Variants in HARS1 observed in about 807,000 individuals in gnomAD.
The protein encoded by HARS1 is histidyl-tRNA synthetase 1.
Under a neutral mutation model 63.6 loss-of-function variants are expected in HARS1, and 45 were observed. That is an observed-to-expected ratio of 0.71 (90% confidence interval 0.56 to 0.91). The LOEUF (loss-of-function observed/expected upper bound fraction) is 0.91, where lower values mean the gene tolerates loss of function less well. Ranked by LOEUF, HARS1 falls within the 40% of genes least tolerant of loss-of-function variation. The pLI is 0.00. For missense variants in HARS1, 508 were observed against 643.2 expected (o/e 0.79, Z 2.27); for synonymous variants, 205 against 247.1 (o/e 0.83, Z 1.60).
Position 140,690,945 on chromosome 5 carries a change from C to G in HARS1, c.91-1G>C. The G allele has an allele frequency of 6.4e-7, 1 of 1,573,342 alleles. No individual in the cohort carries two copies. The highest frequency in any genetic ancestry group is 8.7e-7 in the Non-Finnish European group (1 of 1,143,022). Reference sequence around the variant, plus strand: ...GGAGTTTCGCCACCTCCTCCTCGATCTGTGGAGGGAAAGAAGGCGCTGAGC... The same window carrying G: ...GGAGTTTCGCCACCTCCTCCTCGATGTGTGGAGGGAAAGAAGGCGCTGAGC... On this transcript the variant is annotated splice_acceptor_variant, in intron 1 of 12. Transcript: ENST00000504156. LOFTEE classifies it high-confidence loss of function.
In HARS1 at chr5:140,676,049, C is replaced by T. The variant is rs1226623748; in HGVS notation, c.1194+605G>A. 2 of 152,272 alleles carry T rather than the reference C, an allele frequency of 1.3e-5. No individual in the cohort carries two copies. Among genetic ancestry groups the T allele is most frequent in the African/African-American group, 2.4e-5 (1 of 41,408 alleles). 9.4% of individuals were successfully genotyped at this position (152,272 alleles called of 1,614,324 possible). ...GGCTTCCTTGGTGTTACTCTAGGTGCTAGAGAGTCACGGTAGCCATCTGAG... is the reference window on the plus strand; with the variant it reads ...GGCTTCCTTGGTGTTACTCTAGGTGTTAGAGAGTCACGGTAGCCATCTGAG... On this transcript the variant is annotated intron_variant, in intron 10 of 12. Transcript: ENST00000504156. This position sits in a 1 kb window ranked among gnomAD's most constrained non-coding sequence, Gnocchi z 4.1.
intron 2 of HARS1, among the ~76,000 whole-genome samples, chr5:140,689,730 G>A (rs1332785618): frequency 6.6e-6 from 1 of 152,144 alleles, no homozygotes; most frequent in Non-Finnish European, 1.5e-5. Context: ...CAGTCTCAGG[G>A]TAAATAAACG....
chr5:140,673,940 TTGG>T lies in HARS1; in HGVS notation c.*314_*316del, dbSNP rs1758188038. On this transcript the variant is annotated 3_prime_UTR_variant, in exon 13 of 13. Transcript: ENST00000504156. ...AGGCATTTTATTGGACCTTTGGCAATTGGTGGTGGGGAGGCATCTGCTCCAACT... is the reference window on the plus strand; with the variant it reads ...AGGCATTTTATTGGACCTTTGGCAATTGGTGGGGAGGCATCTGCTCCAACT... 1.4e-5 allele frequency: 8 copies of T among 554,378 alleles called. No homozygotes were observed. In the South Asian group the frequency reaches 1.6e-4, roughly 11 times the overall value. 34.3% of individuals were successfully genotyped at this position (554,378 alleles called of 1,614,324 possible). A position where few individuals can be genotyped will look rare whatever the true frequency, so the allele number is the denominator to read the frequency against.
chr5:140,677,743 C>T lies in HARS1; in HGVS notation c.641G>A (p.Arg214Gln), dbSNP rs1162043924. 9 of 1,608,448 alleles carry T rather than the reference C, an allele frequency of 5.6e-6. No individual in the cohort carries two copies. Among genetic ancestry groups the T allele is most frequent in the Non-Finnish European group, 7.6e-6 (9 of 1,176,924 alleles). The change falls in exon 7 of 13, where the codon CGA becomes CAA. Residue 214 changes from arginine (R) to glutamine (Q), a missense_variant. Physicochemically the swap from Arg to Gln is conservative, Grantham distance 43 (BLOSUM62 1). Around this residue, in one of 2 missense-constraint regions of HARS1, gnomAD observed 403 missense variants for 548.7 expected, o/e 0.73. Transcript: ENST00000504156. ...AGCAAACATCCCATCTAGAATGCGT[C>T]GATCGTTTACCTGCAAGGAACCAAT... ...IGDFLVKVND[R>Q]RILDGMFAIC...
intron 2 of HARS1, among the ~76,000 whole-genome samples, chr5:140,687,077 A>C (rs1050162088): frequency 1.3e-5 from 2 of 152,260 alleles, no homozygotes; most frequent in Non-Finnish European, 2.9e-5. Context: ...ATAAAACAAG[A>C]TGTTCTATGA....
chr5:140,688,586 A>G lies in HARS1; in HGVS notation c.180+2269T>C, dbSNP rs146159952. Among the ~76,000 whole-genome samples, 289 of 152,320 alleles carry G rather than the reference A, an allele frequency of 1.9e-3. 1 individual carries two copies. The highest frequency in any genetic ancestry group is 6.6e-3 in the African/African-American group (274 of 41,576). On this transcript the variant is annotated intron_variant, in intron 2 of 12. Coordinates refer to ENST00000504156, the MANE Select transcript of HARS1 (RefSeq NM_002109.6). ...TGGTCAGTTTTCCCCAGTTGCCTCA[A>G]TAATATCTTTTTATGGTTGATTTAT...
In HARS1 at chr5:140,678,909, A is replaced by G. The variant is rs141291994; in HGVS notation, c.522+93T>C. On this transcript the variant is annotated intron_variant, in intron 5 of 12. Coordinates refer to ENST00000504156, the MANE Select transcript of HARS1 (RefSeq NM_002109.6). Reference sequence around the variant, plus strand: ...CTAAGAGCATTATCTGGGTCATCCAATTTGCTCAGGACACCGTGAGTACTC... The same window carrying G: ...CTAAGAGCATTATCTGGGTCATCCAGTTTGCTCAGGACACCGTGAGTACTC... The G allele has an allele frequency of 2.3e-3, 3,004 of 1,302,930 alleles. 11 individuals are homozygous for G. The highest frequency in any genetic ancestry group is 9.7e-3 in the Middle Eastern group (37 of 3,808). 80.7% of individuals were successfully genotyped at this position (1,302,930 alleles called of 1,614,324 possible).
At chr5:140,677,521 A>G (rs987171461) in intron 7 of HARS1, 101 bp from the exon 8 acceptor site, 2 of 1,074,446 alleles carry the variant, frequency 1.9e-6, no homozygotes, top group Middle Eastern at 2.0e-4. Flanking sequence ...GTAGCTGCCC[A>G]TGAGCCTACA....
intron 3 of HARS1, among the ~76,000 whole-genome samples, chr5:140,680,701 G>C (rs944641854): frequency 7.9e-5 from 12 of 151,890 alleles, no homozygotes; most frequent in African/African-American, 2.7e-4. Flanking sequence ...AAATTAGCTG[G>C]GGGAGCTGGT....
chr5:140,679,798 T>C lies in HARS1; in HGVS notation c.386A>G (p.Tyr129Cys), dbSNP rs781114051. 10 of 1,585,652 alleles carry C rather than the reference T, an allele frequency of 6.3e-6. No individual in the cohort carries two copies. The highest frequency in any genetic ancestry group is 4.5e-5 in the East Asian group (2 of 44,706). The change falls in exon 4 of 13, where the codon TAT becomes TGT. Residue 129 changes from tyrosine to cysteine, a missense_variant. This residue lies in a region of HARS1 where 403 missense variants were observed against 548.7 expected (regional missense o/e 0.73). Coordinates refer to ENST00000504156, the MANE Select transcript of HARS1 (RefSeq NM_002109.6). The surrounding 1 kb of genome is among the most constrained non-coding windows in gnomAD (Gnocchi z 4.3). ...AGTTTAGAAAGATACAGTGAGGTCA[T>C]AGCGAAGGGACAGGAGCTCCCCGCC... ...DQGGELLSLRYDLTVPFARYL... is the reference protein window; with the variant it reads ...DQGGELLSLRCDLTVPFARYL...
intron 2 of HARS1, among the ~76,000 whole-genome samples, chr5:140,688,545 A>T (rs1166667632): frequency 1.3e-5 from 2 of 152,190 alleles, no homozygotes; most frequent in Admixed American, 1.3e-4. Flanking sequence ...CCTTAATATT[A>T]TCTAATGCTA....
intron 3 of HARS1, among the ~76,000 whole-genome samples, chr5:140,680,894 CTCTTTT>C (rs1758687602): frequency 2.7e-5 from 4 of 145,476 alleles, no homozygotes; most frequent in African/African-American, 9.8e-5. Context: ...AGGTATATAG[CTCTTTT>C]TTTTTTTAAA....
intron 2 of HARS1, among the ~76,000 whole-genome samples, chr5:140,689,540 C>T (rs944985925): frequency 5.3e-5 from 8 of 152,158 alleles, no homozygotes; most frequent in Non-Finnish European, 1.0e-4. Flanking sequence ...CTCAAATGAT[C>T]CTCCCCTTGT....
At chr5:140,687,111 A>C (rs1316387945) in intron 2 of HARS1, among the ~76,000 whole-genome samples, 1 of 152,246 alleles carries the variant, frequency 6.6e-6, no homozygotes, top group Non-Finnish European at 1.5e-5. Context: ...ATCAGCTTGC[A>C]ACTTGAACAA....
intron 3 of HARS1, among the ~76,000 whole-genome samples, chr5:140,680,238 C>T (rs888963445): frequency 5.3e-5 from 8 of 151,798 alleles, no homozygotes; most frequent in Non-Finnish European, 7.4e-5. Flanking sequence ...CCTCTGACTC[C>T]GGGGTTCAAG....
intron 2 of HARS1, 63 bp from the exon 3 acceptor site, chr5:140,683,282 T>G: frequency 6.4e-7 from 1 of 1,554,432 alleles, no homozygotes. Flanking sequence ...CAATATGTTT[T>G]GGAAATATAA....
intron 6 of HARS1, 54 bp from the exon 7 acceptor site, chr5:140,677,807 C>A (rs762419067): frequency 1.5e-6 from 2 of 1,372,896 alleles, no homozygotes; most frequent in Non-Finnish European, 2.1e-6. Flanking sequence ...ACATGACCTG[C>A]AATAGTCATG....
chr5:140,677,222 T>G, intron 8 of HARS1, 105 bp downstream of exon 8: 1 of 1,379,954 alleles, frequency 7.2e-7, no homozygotes. Context: ...TGTGTACATA[T>G]GCATAGACAC....
intron 5 of HARS1, 51 bp from the exon 6 acceptor site, chr5:140,678,066 G>C (rs941884975): frequency 2.1e-6 from 2 of 937,608 alleles, no homozygotes; most frequent in African/African-American, 1.6e-5. Context: ...CTTTCTGAAG[G>C]GGGGACTCTG....
Sources: allele counts gnomAD v4.1 joint callset (sites outside exome capture counted in the v4.1 genomes callset), GRCh38; gene constraint gnomAD v4.1.1; regional missense constraint gnomAD v4.1.1; non-coding constraint Gnocchi (gnomAD v3.1); transcripts MANE v1.5; gene names NCBI Gene and HGNC (gene_info 2026-07-23, HGNC 2026-07-21).